Variants in COX10 observed in about 807,000 individuals in gnomAD.
COX10 encodes cytochrome c oxidase assembly factor heme A:farnesyltransferase COX10.
Under a neutral mutation model 37.3 loss-of-function variants are expected in COX10, and 27 were observed. The ratio of observed to expected loss-of-function variants is 0.72; its 90% CI spans 0.53 to 1.00. The LOEUF is 1.00. COX10 is among the 50% of genes least tolerant of loss of function. COX10 has a pLI of 0.00. For missense variants in COX10, 475 were observed against 563.2 expected (o/e 0.84, Z 1.59); for synonymous variants, 222 against 229.1 (o/e 0.97, Z 0.28).
chr17:14,103,814 G>T (rs1458407879), intron 4 of COX10, among the ~76,000 whole-genome samples: 1 of 152,182 alleles, frequency 6.6e-6, no homozygotes, highest in East Asian at 1.9e-4. Context: ...AAAAGGATGT[G>T]TTTAGGTGGC....
In COX10 at chr17:14,076,836, A is replaced by G; in HGVS notation, c.279A>G (p.Lys93=). Residue 93 remains lysine, a synonymous_variant, in exon 3 of 7, where the codon AAA becomes AAG. Coordinates refer to ENST00000261643, the MANE Select transcript of COX10 (RefSeq NM_001303.4). ...FLEKTSSGQA[K]AEIYEMRPLS... is the part of the protein sequence containing the mutation. ...AAAAAACATCTTCAGGTCAAGCCAA[A>G]GCAGAAATATATGAGATGAGACCTC... 1.2e-6 allele frequency: 2 copies of G among 1,614,228 alleles called. No individual in the cohort carries two copies.
intron 5 of COX10, among the ~76,000 whole-genome samples, chr17:14,186,239 C>A (rs1906021316): frequency 6.6e-6 from 1 of 151,970 alleles, no homozygotes; most frequent in Non-Finnish European, 1.5e-5. Flanking sequence ...ATCTGGAAGA[C>A]TTCACTGAGT....
intron 5 of COX10, among the ~76,000 whole-genome samples, chr17:14,189,254 A>C (rs1209041267): frequency 6.6e-6 from 1 of 152,104 alleles, no homozygotes; most frequent in East Asian, 1.9e-4. Context: ...GAGCTAAACC[A>C]ATTGAGACGT....
At chr17:14,143,558 G>A (rs757490063) in intron 4 of COX10, among the ~76,000 whole-genome samples, 2 of 152,064 alleles carry the variant, frequency 1.3e-5, no homozygotes, top group South Asian at 2.1e-4. Context: ...GTTTCAAGTC[G>A]CTTTGCTTAG....
intron 3 of COX10, among the ~76,000 whole-genome samples, chr17:14,093,425 G>A (rs1915571551): frequency 6.6e-6 from 1 of 152,090 alleles, no homozygotes; most frequent in African/African-American, 2.4e-5. Context: ...TACTCCCAAA[G>A]TAGTGGGACT....
At chr17:14,176,437 C>T (rs1328317487) in intron 5 of COX10, among the ~76,000 whole-genome samples, 3 of 152,118 alleles carry the variant, frequency 2.0e-5, no homozygotes, top group Non-Finnish European at 4.4e-5. Context: ...GAGTAAACCC[C>T]GCAGGGAAAC....
intron 5 of COX10, chr17:14,179,351 G>C: frequency 4.0e-6 from 1 of 251,678 alleles, no homozygotes; most frequent in Non-Finnish European, 6.3e-6. Context: ...TCTTAAAGAT[G>C]TCAAGGCCTA....
intron 4 of COX10, among the ~76,000 whole-genome samples, chr17:14,107,271 T>C (rs1915915022): frequency 6.6e-6 from 1 of 152,118 alleles, no homozygotes; most frequent in Admixed American, 6.5e-5. Context: ...ATAATTTCTG[T>C]CTCAGGCAAA....
intron 5 of COX10, among the ~76,000 whole-genome samples, chr17:14,190,317 G>C (rs755699825): frequency 1.3e-5 from 2 of 152,206 alleles, no homozygotes; most frequent in Non-Finnish European, 2.9e-5. Flanking sequence ...GCAGATCCAG[G>C]GTGGGAATGT....
chr17:14,117,494 C>T (rs776615026), intron 4 of COX10, among the ~76,000 whole-genome samples: 17 of 152,136 alleles, frequency 1.1e-4, no homozygotes, highest in Non-Finnish European at 2.1e-4. Context: ...CTCATTATTC[C>T]GTTTTCAAAA....
intron 6 of COX10, among the ~76,000 whole-genome samples, chr17:14,201,963 C>G (rs1248700262): frequency 6.6e-6 from 1 of 152,208 alleles, no homozygotes; most frequent in African/African-American, 2.4e-5. Flanking sequence ...TTGCATCACC[C>G]TGTTTACTCC....
intron 3 of COX10, among the ~76,000 whole-genome samples, chr17:14,099,061 C>T (rs530649750): frequency 1.3e-4 from 20 of 152,230 alleles, no homozygotes; most frequent in African/African-American, 4.1e-4. Flanking sequence ...ATTAGCCTCT[C>T]GTTTGCCTTC....
intron 6 of COX10, among the ~76,000 whole-genome samples, chr17:14,195,769 G>T (rs1023227350): frequency 2.6e-5 from 4 of 152,278 alleles, no homozygotes; most frequent in Admixed American, 2.6e-4. Flanking sequence ...GTGGGCTGGG[G>T]TGGGGTCTGA....
At chr17:14,157,944 C>T (rs983695758) in intron 4 of COX10, among the ~76,000 whole-genome samples, 5 of 152,128 alleles carry the variant, frequency 3.3e-5, no homozygotes, top group Non-Finnish European at 5.9e-5. Flanking sequence ...TCTCTTAATG[C>T]TGTGGGGATA....
At chr17:14,135,657 A>G (rs1286221412) in intron 4 of COX10, among the ~76,000 whole-genome samples, 1 of 152,010 alleles carries the variant, frequency 6.6e-6, no homozygotes, top group Non-Finnish European at 1.5e-5. Context: ...CTAAATGTGT[A>G]TAAAGAACAT....
rs1222829447 is a variant in COX10 at position 14,178,394 on chromosome 17, G to A, written c.696-13595G>A. On this transcript the variant is annotated intron_variant, in intron 5 of 6. Transcript: ENST00000261643. Reference sequence around the variant, plus strand: ...TTTCTGTCTTATGGTCTTCCGTGCTGTAAGACCTGGAGACCAGCTGGCCTG... The same window carrying A: ...TTTCTGTCTTATGGTCTTCCGTGCTATAAGACCTGGAGACCAGCTGGCCTG... Among the ~76,000 whole-genome samples, 4 of 110,638 alleles carry A rather than the reference G, an allele frequency of 3.6e-5. 2 individuals carry two copies. Among genetic ancestry groups the A allele is most frequent in the Non-Finnish European group, 9.2e-5 (4 of 43,376 alleles). 72.6% of individuals were successfully genotyped at this position (110,638 alleles called of 152,430 possible).
In COX10 at chr17:14,069,636, C is replaced by A. The variant is rs1237588985; in HGVS notation, c.31C>A (p.Arg11Ser). 1.2e-6 allele frequency: 2 copies of A among 1,613,972 alleles called. No homozygotes were observed. The highest frequency in any genetic ancestry group is 4.5e-5 in the East Asian group (2 of 44,878). MAASPHTLSSRLLTGCVGGSV... is the reference protein window; with the variant it reads MAASPHTLSSSLLTGCVGGSV... ...CGCATCTCCGCACACTCTCTCCTCA[C>A]GCCTCCTGACAGGTACTGTACCCGC... The change falls in exon 1 of 7, where the codon CGC becomes AGC. Residue 11 changes from arginine to serine, a missense_variant. Arg to Ser is a moderately radical substitution (Grantham distance 110, BLOSUM62 -1). This residue lies in a region of COX10 where 242 missense variants were observed against 242.5 expected (regional missense o/e 1.00). Transcript: ENST00000261643.
intron 4 of COX10, among the ~76,000 whole-genome samples, chr17:14,103,038 G>A (rs1362497547): frequency 6.6e-6 from 1 of 152,146 alleles, no homozygotes; most frequent in Non-Finnish European, 1.5e-5. Flanking sequence ...AATGCCTATA[G>A]TCATTATGGT....
intron 1 of COX10, among the ~76,000 whole-genome samples, chr17:14,071,287 A>C (rs1340988526): frequency 6.6e-6 from 1 of 152,196 alleles, no homozygotes; most frequent in African/African-American, 2.4e-5. Context: ...CAGTTCCAGT[A>C]GGTGGGCTGC....
Sources: gnomAD v4.1 joint callset for allele counts (sites outside exome capture counted in the v4.1 genomes callset) on GRCh38, gnomAD v4.1.1 for gene constraint, gnomAD v4.1.1 regional missense constraint, MANE v1.5 for transcripts, NCBI Gene and HGNC (gene_info 2026-07-23, HGNC 2026-07-21) for gene names.